The following C16orf95 variants were observed in gnomAD, a reference collection of about 807,000 sequenced individuals.
C16orf95 encodes the protein chromosome 16 open reading frame 95.
C16orf95 carries 41 observed loss-of-function variants against 32.1 expected under a neutral mutation model. The observed-to-expected ratio is 1.28, with a 90% confidence interval of 1.00 to 1.66. The LOEUF (loss-of-function observed/expected upper bound fraction) is 1.66, where lower values mean the gene tolerates loss of function less well. C16orf95 is among the 40% of genes most tolerant of loss of function. C16orf95 has a pLI of 0.00. For synonymous variants in C16orf95, 147 were observed against 128.9 expected, an observed-to-expected ratio of 1.14 and a Z score of -0.95; for missense variants, 399 against 325.9, an observed-to-expected ratio of 1.22 and a Z score of -1.73.
chr16:87,303,209 C>G, intron 6 of C16orf95, 134 bp from the exon 7 acceptor site: 1 of 875,162 alleles, frequency 1.1e-6, no homozygotes, highest in Non-Finnish European at 1.8e-6. Flanking sequence ...GGAGGAATCC[C>G]AGGCAGGGAA....
intron 3 of C16orf95, among the ~76,000 whole-genome samples, chr16:87,312,684 G>A (rs1011787667): frequency 6.6e-6 from 1 of 152,006 alleles, no homozygotes; most frequent in African/African-American, 2.4e-5. Flanking sequence ...GTACTGAAAG[G>A]TCTAGCCAGT....
chr16:87,307,305 G>C (rs1911071962), intron 5 of C16orf95, among the ~76,000 whole-genome samples: 1 of 152,170 alleles, frequency 6.6e-6, no homozygotes, highest in Non-Finnish European at 1.5e-5. Context: ...TGGAGGTCCT[G>C]ATCTCCCCAT....
chr16:87,305,720 G>A lies in C16orf95; in HGVS notation c.700C>T (p.Arg234Cys), dbSNP rs965286973. 52 of 1,501,480 alleles carry A rather than the reference G, an allele frequency of 3.5e-5. No individual in the cohort carries two copies. Among genetic ancestry groups the A allele is most frequent in the East Asian group, 3.2e-4 (12 of 36,958 alleles). 93.0% of individuals were successfully genotyped at this position (1,501,480 alleles called of 1,614,324 possible). Residue 234 changes from arginine (R) to cysteine (C), a missense_variant and splice_region_variant, in exon 6 of 7, where the codon CGC becomes TGC. Transcript: ENST00000567970. The surrounding 1 kb of genome is among the most constrained non-coding windows in gnomAD (Gnocchi z 4.2). The stretch of plus-strand genomic sequence containing the variant: ...GTCCCCCATCCCCCACCTGCTCACC[G>A]AATGGCCATGATGACCCTCGGGATG... ...QAIPRVIMAI[R>C]QCFGV
At chr16:87,313,990 C>T (rs1911395315) in intron 3 of C16orf95, among the ~76,000 whole-genome samples, 1 of 152,106 alleles carries the variant, frequency 6.6e-6, no homozygotes, top group Non-Finnish European at 1.5e-5. Flanking sequence ...GACAGATACC[C>T]ATTAAGATGG....
intron 2 of C16orf95, 36 bp downstream of exon 2, chr16:87,315,736 G>A (rs761566794): frequency 6.7e-7 from 1 of 1,493,298 alleles, no homozygotes; most frequent in Non-Finnish European, 8.9e-7. Context: ...GATATGTTGG[G>A]GTCAGGGCCA....
At position 87,314,801 on chromosome 16, in the gene C16orf95, G is replaced by A. The variant is rs554895086; in HGVS notation, c.330+170C>T. ...TGCCTCCCTCAGACCTTGCTACAAC[G>A]ACAGCACATTACCCATCTGACATGA... On this transcript the variant is annotated intron_variant, in intron 3 of 6. Transcript: ENST00000567970. Among the ~76,000 whole-genome samples the A allele has an allele frequency of 1.8e-4, 28 of 152,184 alleles. No homozygotes were observed. In the South Asian group the frequency reaches 4.8e-3, roughly 26 times the overall value.
Position 87,305,881 on chromosome 16 carries a change from C to G in C16orf95, c.539G>C (p.Trp180Ser), listed in dbSNP as rs1232356444. The change falls in exon 6 of 7, where the codon TGG (tryptophan) becomes TCG (serine). Residue 180 changes from tryptophan (W) to serine (S), a missense_variant. By Grantham distance (177) the Trp-to-Ser change is radical. Coordinates refer to ENST00000567970, the MANE Select transcript of C16orf95 (RefSeq NM_001195124.3). This position sits in a 1 kb window ranked among gnomAD's most constrained non-coding sequence, Gnocchi z 4.2. ...ACCGCAGATCCGCCAGCAGTTGTGC[C>G]AGCAGCATGCATCCAGCAGGGGTGC... is the stretch of plus-strand genomic sequence containing the variant. ...IQAPLLDACC[W>S]HNCWRICGDE... is the part of the protein sequence containing the mutation. 3 of 1,438,292 alleles carry G rather than the reference C, an allele frequency of 2.1e-6. No individual in the cohort carries two copies. Among genetic ancestry groups the G allele is most frequent in the East Asian group, 5.6e-5 (2 of 35,616 alleles). The allele number at this position is 1,438,292 out of a possible 1,614,324, so 89.1% of individuals were successfully genotyped here.
In C16orf95 at chr16:87,317,387, A is replaced by C; in HGVS notation, c.-145T>G. ...CAACCTCAACCGCTCAGAGGAGCCC[A>C]ACAACGCCCGCGCGCCCGCCCGTCC... On this transcript the variant is annotated 5_prime_UTR_variant, in exon 1 of 7. Transcript: ENST00000567970. 7.2e-7 allele frequency: 1 copy of C among 1,387,930 alleles called. No homozygotes were observed. The highest frequency in any genetic ancestry group is 9.3e-7 in the Non-Finnish European group (1 of 1,075,260). The allele number at this position is 1,387,930 out of a possible 1,614,324, so 86.0% of individuals were successfully genotyped here. A position where few individuals can be genotyped will look rare whatever the true frequency, so the allele number is the denominator to read the frequency against.
chr16:87,305,964 CGAG>C lies in C16orf95; in HGVS notation c.515-62_515-60del, dbSNP rs1911008387. 2 of 1,301,114 alleles carry C rather than the reference CGAG, an allele frequency of 1.5e-6. No homozygotes were observed. The highest frequency in any genetic ancestry group is 2.0e-6 in the Non-Finnish European group (2 of 1,009,318). The allele number at this position is 1,301,114 out of a possible 1,614,324, so 80.6% of individuals were successfully genotyped here. ...GTGTTCTCCGGGACTCTGTGAGCCA[CGAG>C]GAGGCTGCAACACCAGCCCCAGAGC... On this transcript the variant is annotated intron_variant, in intron 5 of 6. Coordinates refer to ENST00000567970, the MANE Select transcript of C16orf95 (RefSeq NM_001195124.3). This position sits in a 1 kb window ranked among gnomAD's most constrained non-coding sequence, Gnocchi z 4.2.
chr16:87,312,581 A>G (rs1366980201), intron 3 of C16orf95, among the ~76,000 whole-genome samples: 60 of 150,344 alleles, frequency 4.0e-4, no homozygotes, highest in African/African-American at 4.5e-4. Flanking sequence ...AAAAAAAAAA[A>G]AAAAAGAAAG....
intron 3 of C16orf95, 62 bp from the exon 4 acceptor site, chr16:87,311,358 A>C: frequency 1.4e-6 from 2 of 1,410,418 alleles, no homozygotes; most frequent in Non-Finnish European, 1.9e-6. Context: ...GTCCCCAATG[A>C]CTCCCTGATG....
intron 3 of C16orf95, among the ~76,000 whole-genome samples, chr16:87,312,659 G>C (rs531814257): frequency 2.6e-5 from 4 of 151,784 alleles, no homozygotes; most frequent in Admixed American, 1.3e-4. Flanking sequence ...TCCTCTCACT[G>C]CTCTCTTCAA....
chr16:87,315,909 G>C, intron 1 of C16orf95, 86 bp from the exon 2 acceptor site: 1 of 961,912 alleles, frequency 1.0e-6, no homozygotes, highest in Non-Finnish European at 1.5e-6. Flanking sequence ...TGTCTTCTCA[G>C]AACTGACTCT....
At chr16:87,313,792 T>C (rs570469261) in intron 3 of C16orf95, among the ~76,000 whole-genome samples, 21 of 152,250 alleles carry the variant, frequency 1.4e-4, no homozygotes, top group African/African-American at 4.6e-4. Context: ...GATCAAGAAC[T>C]TGTATCTAGA....
rs2150652370 is a variant in C16orf95 at position 87,311,178 on chromosome 16, AC to A, written c.448del (p.Val150CysfsTer5). ...PRDQAVMPYW[V>X]PQVLRSQQQI... is the part of the protein sequence containing the mutation. ...CTGCTGAGACCTCAGGACCTGGGGC[AC>A]CCAGTAGGGCATCACTGCCTGGTCC... On this transcript the variant is annotated frameshift_variant, in exon 4 of 7. Coordinates refer to ENST00000567970, the MANE Select transcript of C16orf95 (RefSeq NM_001195124.3). LOFTEE classifies it high-confidence loss of function. 1 of 1,534,092 alleles carries A rather than the reference AC, an allele frequency of 6.5e-7. No homozygotes were observed. The highest frequency in any genetic ancestry group is 2.4e-5 in the East Asian group (1 of 40,854).
chr16:87,310,789 G>T (rs900955723), intron 4 of C16orf95, among the ~76,000 whole-genome samples: 4 of 152,184 alleles, frequency 2.6e-5, no homozygotes, highest in African/African-American at 9.7e-5. Flanking sequence ...AGGTAGTGTG[G>T]GAAGGAGGAG....
At chr16:87,314,344 T>C (rs531414836) in intron 3 of C16orf95, among the ~76,000 whole-genome samples, 3 of 152,242 alleles carry the variant, frequency 2.0e-5, no homozygotes, top group Non-Finnish European at 2.9e-5. Context: ...AGAATGACTA[T>C]TGATGCCCAT....
chr16:87,315,744 C>A, intron 2 of C16orf95, 28 bp downstream of exon 2: 1 of 1,513,042 alleles, frequency 6.6e-7, no homozygotes, highest in Non-Finnish European at 8.8e-7. Flanking sequence ...GGGGTCAGGG[C>A]CAGTGGCTGA....
At position 87,303,155 on chromosome 16, in the gene C16orf95, C is replaced by T. The variant is rs987639921; in HGVS notation, c.702-80G>A. ...GCCCTCAGCGCGTGCCCTTGGGAAA[C>T]CTCCATGAGCGGAAGGCAGAGGCGC... On this transcript the variant is annotated intron_variant, in intron 6 of 6. Coordinates refer to ENST00000567970, the MANE Select transcript of C16orf95 (RefSeq NM_001195124.3). 4.2e-6 allele frequency: 6 copies of T among 1,424,972 alleles called. No individual in the cohort carries two copies. The African/African-American group carries it at 7.1e-5, about 17-fold the overall frequency. 88.3% of individuals were successfully genotyped at this position (1,424,972 alleles called of 1,614,324 possible).
Sources: gnomAD v4.1 joint callset for allele counts (sites outside exome capture counted in the v4.1 genomes callset) on GRCh38, gnomAD v4.1.1 for gene constraint, Gnocchi (gnomAD v3.1) non-coding constraint, MANE v1.5 for transcripts, NCBI Gene and HGNC (gene_info 2026-07-23, HGNC 2026-07-21) for gene names.